Variants in LAMA4 observed in about 807,000 individuals in gnomAD.
LAMA4 encodes the protein laminin subunit alpha 4.
A neutral mutation model predicts 207.1 loss-of-function variants in LAMA4; 127 were observed. The ratio of observed to expected loss-of-function variants is 0.61; its 90% CI spans 0.53 to 0.71. The LOEUF (loss-of-function observed/expected upper bound fraction) is 0.71, where lower values mean the gene tolerates loss of function less well. Ranked by LOEUF, LAMA4 falls within the 30% of genes least tolerant of loss-of-function variation. LAMA4 has a pLI of 0.00. For synonymous variants in LAMA4, 761 were observed against 816.0 expected (o/e 0.93, Z 1.15); for missense variants, 2,093 against 2,246.5 (o/e 0.93, Z 1.38).
At chr6:112,230,040 T>C (rs1423567210) in intron 2 of LAMA4, among the ~76,000 whole-genome samples, 2 of 152,356 alleles carry the variant, frequency 1.3e-5, no homozygotes, top group Admixed American at 1.3e-4. Flanking sequence ...ACTACTTCTA[T>C]TTCCCCAGGA....
chr6:112,142,266 G>T lies in LAMA4; in HGVS notation c.2520C>A (p.Gly840=), dbSNP rs1779743331. The T allele has an allele frequency of 6.2e-7, 1 of 1,614,018 alleles. No individual in the cohort carries two copies. Among genetic ancestry groups the T allele is most frequent in the Admixed American group, 1.7e-5 (1 of 60,002 alleles). The change falls in exon 20 of 39, where the codon GGC becomes GGA. Residue 840 remains glycine, a synonymous_variant. Transcript: ENST00000230538. ...TCGAGTGCACTTCCACAGCTGACTG[G>T]CCATCAAACATCATGGAGACTTGGA... ...SKIQVSMMFD[G]QSAVEVHSRT... is the part of the protein sequence containing the mutation.
intron 31 of LAMA4, 73 bp from the exon 32 acceptor site, chr6:112,122,274 C>T: frequency 1.9e-6 from 2 of 1,067,808 alleles, no homozygotes; most frequent in South Asian, 1.3e-5. Flanking sequence ...ATGTCCTCAT[C>T]ATTAATAAGG....
At chr6:112,185,167 C>T in intron 9 of LAMA4, 70 bp downstream of exon 9, 2 of 1,031,778 alleles carry the variant, frequency 1.9e-6, no homozygotes, top group Non-Finnish European at 3.1e-6. Flanking sequence ...CGTTTGTGAC[C>T]AGCCAGCCTC....
At chr6:112,226,618 T>A (rs1785228779) in intron 2 of LAMA4, among the ~76,000 whole-genome samples, 1 of 152,206 alleles carries the variant, frequency 6.6e-6, no homozygotes, top group Non-Finnish European at 1.5e-5. Context: ...AGAACAGGGA[T>A]AGTGTCTTAC....
At chr6:112,254,347 C>T (rs62414023) in intron 1 of LAMA4, 56 bp from the exon 2 acceptor site, 1 of 549,068 alleles carries the variant, frequency 1.8e-6, no homozygotes, top group Admixed American at 2.9e-5. Flanking sequence ...CTCTCTCTCC[C>T]TCTCTCTCTC....
rs186536716 is a variant in LAMA4, at chr6:112,233,873, T to C, written c.196-17404A>G. 5.6e-4 allele frequency among the ~76,000 whole-genome samples: 86 copies of C among 152,354 alleles called. 1 individual carries two copies. The highest frequency in any genetic ancestry group is 4.1e-3 in the South Asian group (20 of 4,828). On this transcript the variant is annotated intron_variant, in intron 2 of 38. Coordinates refer to ENST00000230538, the MANE Select transcript of LAMA4 (RefSeq NM_001105206.3). ...AATTTCTTTGGAAGGATTAGTTTAA[T>C]ATCAGCAATTAAATTTTGTGACATC...
Position 112,119,150 on chromosome 6 carries a change from G to C in LAMA4, c.4821+6C>G. On this transcript the variant is annotated splice_donor_region_variant and intron_variant, in intron 34 of 38. Coordinates refer to ENST00000230538, the MANE Select transcript of LAMA4 (RefSeq NM_001105206.3). ...CAATGGCTCTACCTGGTCATGCCTG[G>C]CTTACCTGAACATTTTTCACAGCCT... 1 of 1,613,580 alleles carries C rather than the reference G, an allele frequency of 6.2e-7. No homozygotes were observed. Among genetic ancestry groups the C allele is most frequent in the Non-Finnish European group, 8.5e-7 (1 of 1,179,762 alleles).
intron 2 of LAMA4, among the ~76,000 whole-genome samples, chr6:112,241,433 C>T (rs1231159956): frequency 6.6e-6 from 1 of 151,696 alleles, no homozygotes; most frequent in Non-Finnish European, 1.5e-5. Context: ...TACGGGAAAC[C>T]TTTATTAGCT....
chr6:112,236,242 T>A (rs1785911848), intron 2 of LAMA4: 3 of 152,240 alleles, frequency 2.0e-5, no homozygotes, highest in Admixed American at 1.3e-4. Flanking sequence ...ATTTCCAGGC[T>A]CTTCACATTC....
chr6:112,163,040 C>T (rs988187439), intron 13 of LAMA4, among the ~76,000 whole-genome samples: 7 of 148,444 alleles, frequency 4.7e-5, no homozygotes, highest in African/African-American at 1.0e-4. Flanking sequence ...GGCACCATCA[C>T]GGCTCACTGC....
chr6:112,200,697 C>T (rs1182218279), intron 5 of LAMA4, among the ~76,000 whole-genome samples: 2 of 152,120 alleles, frequency 1.3e-5, no homozygotes, highest in African/African-American at 2.4e-5. Context: ...GAATACTATG[C>T]AGTCATAAAA....
chr6:112,216,887 C>A, intron 2 of LAMA4: 1 of 248,716 alleles, frequency 4.0e-6, no homozygotes. Flanking sequence ...AAAGACTTCT[C>A]GTTTCAGCAA....
intron 13 of LAMA4, among the ~76,000 whole-genome samples, chr6:112,164,781 T>C (rs933912791): frequency 6.6e-6 from 1 of 152,174 alleles, no homozygotes. Context: ...GTGAGTAGGA[T>C]GGATCGAGAG....
intron 8 of LAMA4, 45 bp downstream of exon 8, chr6:112,187,405 A>G: frequency 6.2e-7 from 1 of 1,612,232 alleles, no homozygotes; most frequent in Non-Finnish European, 8.5e-7. Context: ...CGGGCCTGTG[A>G]AGCCAGGATG....
chr6:112,221,264 C>T lies in LAMA4; in HGVS notation c.196-4795G>A, dbSNP rs556351106. On this transcript the variant is annotated intron_variant, in intron 2 of 38. Coordinates refer to ENST00000230538, the MANE Select transcript of LAMA4 (RefSeq NM_001105206.3). ...CATCAGAAAGAACACACTCTACAGC[C>T]CTAGTGTCTATTCTCATAGGAGCTG... Among the ~76,000 whole-genome samples, 99 of 152,214 alleles carry T rather than the reference C, an allele frequency of 6.5e-4. 1 individual carries two copies. The highest frequency in any genetic ancestry group is 2.3e-3 in the African/African-American group (96 of 41,554).
chr6:112,171,194 A>G (rs1554341613), intron 12 of LAMA4, among the ~76,000 whole-genome samples: 2 of 149,420 alleles, frequency 1.3e-5, no homozygotes, highest in Non-Finnish European at 3.0e-5. Flanking sequence ...CCTTGATTTC[A>G]TTTCCTTTTA....
chr6:112,155,050 C>A (rs575945933), intron 15 of LAMA4, 103 bp from the exon 16 acceptor site: 4 of 810,878 alleles, frequency 4.9e-6, no homozygotes, highest in South Asian at 1.3e-5. Flanking sequence ...AAACACCAAG[C>A]AAAATGCATT....
intron 6 of LAMA4, among the ~76,000 whole-genome samples, chr6:112,190,397 C>T (rs185480034): frequency 2.0e-5 from 3 of 152,282 alleles, no homozygotes; most frequent in Admixed American, 2.0e-4. Flanking sequence ...TTCTGCAGAA[C>T]ATATATGTTG....
chr6:112,134,316 G>A (rs1779207929), intron 26 of LAMA4, 151 bp downstream of exon 26: 5 of 697,058 alleles, frequency 7.2e-6, no homozygotes, highest in African/African-American at 3.5e-5. Flanking sequence ...GACTGCAGAG[G>A]GCCTGAAGGT....
Sources: allele counts gnomAD v4.1 joint callset (sites outside exome capture counted in the v4.1 genomes callset), GRCh38; gene constraint gnomAD v4.1.1; transcripts MANE v1.5; gene names NCBI Gene and HGNC (gene_info 2026-07-23, HGNC 2026-07-21).